Variants in CSMD1 observed in about 807,000 individuals in gnomAD.
CSMD1 encodes CUB and sushi domain-containing protein 1.
In CSMD1, 213 loss-of-function variants were observed where a neutral mutation model predicts 417.5. That is an observed-to-expected ratio of 0.51 (90% CI 0.46 to 0.57). The LOEUF (loss-of-function observed/expected upper bound fraction) is 0.57. Among genes scored for constraint, CSMD1 ranks in the 20% least tolerant of loss-of-function variants. The pLI, the probability that CSMD1 is intolerant of heterozygous loss-of-function variation, is 0.00. For missense variants in CSMD1, 6,923 were observed against 4,529.7 expected (o/e 1.53, Z -15.17); for synonymous variants, 2,862 against 1,736.8 (o/e 1.65, Z -16.11).
chr8:4,427,902 G>A (rs66512318), intron 2 of CSMD1, among the ~76,000 whole-genome samples: 1 of 152,152 alleles, frequency 6.6e-6, no homozygotes, highest in East Asian at 1.9e-4. Flanking sequence ...TGTCTCTAGG[G>A]CACAGACTGC....
intron 10 of CSMD1, among the ~76,000 whole-genome samples, chr8:3,544,767 C>G (rs10503207): frequency 6.6e-6 from 1 of 151,630 alleles, no homozygotes; most frequent in African/African-American, 2.4e-5. Flanking sequence ...GGAGCCAAAT[C>G]TTAGAAATGT....
intron 5 of CSMD1, among the ~76,000 whole-genome samples, chr8:3,889,691 C>G (rs1433549747): frequency 1.3e-5 from 2 of 151,400 alleles, no homozygotes; most frequent in Non-Finnish European, 2.9e-5. Flanking sequence ...TGAAACTCAA[C>G]CTGGACTTCC....
intron 50 of CSMD1, among the ~76,000 whole-genome samples, chr8:3,034,113 G>T (rs1284905669): frequency 6.6e-6 from 1 of 152,178 alleles, no homozygotes; most frequent in Admixed American, 6.5e-5. Flanking sequence ...GGATTTGAAG[G>T]CTGCCTGATT....
intron 2 of CSMD1, among the ~76,000 whole-genome samples, chr8:4,460,999 C>A (rs936604554): frequency 6.6e-6 from 1 of 152,032 alleles, no homozygotes; most frequent in African/African-American, 2.4e-5. Flanking sequence ...AGAATATGAA[C>A]ACAAAAATGC....
At chr8:3,434,476 AAT>A (rs1456077433) in intron 12 of CSMD1, among the ~76,000 whole-genome samples, 4 of 152,230 alleles carry the variant, frequency 2.6e-5, no homozygotes, top group Non-Finnish European at 5.9e-5. Context: ...CCTGACAGTT[AAT>A]ATGTGTTTTC....
chr8:3,308,601 G>A (rs867982295), intron 23 of CSMD1, 98 bp from the exon 24 acceptor site: 1 of 903,494 alleles, frequency 1.1e-6, no homozygotes, highest in Non-Finnish European at 1.7e-6. Flanking sequence ...GCTCCTTGAA[G>A]GGTAGGGAGA....
At chr8:3,678,307 G>T (rs1438487904) in intron 7 of CSMD1, among the ~76,000 whole-genome samples, 2 of 152,120 alleles carry the variant, frequency 1.3e-5, no homozygotes, top group Non-Finnish European at 2.9e-5. Flanking sequence ...TAGACGAATG[G>T]CTAACTAGAA....
At chr8:4,348,821 G>A (rs913012512) in intron 3 of CSMD1, among the ~76,000 whole-genome samples, 2 of 152,264 alleles carry the variant, frequency 1.3e-5, no homozygotes, top group South Asian at 2.1e-4. Context: ...CCAAGACCCA[G>A]TTAAATCAAT....
chr8:3,399,305 TC>T (rs1811891670), intron 16 of CSMD1, 85 bp downstream of exon 16: 3 of 1,315,866 alleles, frequency 2.3e-6, no homozygotes, highest in Middle Eastern at 2.6e-4. Flanking sequence ...AAAACTGCCA[TC>T]TTTTTAAAGT....
chr8:4,326,917 A>G (rs569031543), intron 3 of CSMD1, among the ~76,000 whole-genome samples: 2 of 152,324 alleles, frequency 1.3e-5, no homozygotes, highest in African/African-American at 2.4e-5. Flanking sequence ...AAAGTAAGTT[A>G]GGAGCCATAA....
At chr8:3,983,764 C>G (rs1814089552) in intron 5 of CSMD1, among the ~76,000 whole-genome samples, 1 of 152,158 alleles carries the variant, frequency 6.6e-6, no homozygotes. Context: ...ATGGGGCTGT[C>G]AACTGCACCT....
intron 10 of CSMD1, among the ~76,000 whole-genome samples, chr8:3,514,099 T>C (rs1797189510): frequency 6.6e-6 from 1 of 152,090 alleles, no homozygotes; most frequent in African/African-American, 2.4e-5. Flanking sequence ...TCAATCCTCT[T>C]CTCTTGGCAG....
At chr8:4,359,732 T>G (rs932636533) in intron 3 of CSMD1, among the ~76,000 whole-genome samples, 4 of 152,214 alleles carry the variant, frequency 2.6e-5, no homozygotes, top group African/African-American at 9.7e-5. Flanking sequence ...CACTGTGGCC[T>G]GGCCCACTTC....
In CSMD1 at chr8:3,163,687, C is replaced by A. The variant is rs147099132; in HGVS notation, c.5726-1410G>T. On this transcript the variant is annotated intron_variant, in intron 37 of 69. Coordinates refer to ENST00000635120, the MANE Select transcript of CSMD1 (RefSeq NM_033225.6). ...CTTCAAAACCAGCGGCCACCAAGCA[C>A]GAGACCCAGTGTGACTCACGCAGTG... Among the ~76,000 whole-genome samples the A allele has an allele frequency of 7.2e-5, 11 of 152,168 alleles. No individual in the cohort carries two copies. The South Asian group carries it at 2.1e-3, about 29-fold the overall frequency.
intron 3 of CSMD1, among the ~76,000 whole-genome samples, chr8:4,238,329 G>T (rs968345595): frequency 6.6e-6 from 1 of 152,154 alleles, no homozygotes; most frequent in Non-Finnish European, 1.5e-5. Context: ...CAGCATGTGC[G>T]CGAGGGTGGT....
intron 26 of CSMD1, among the ~76,000 whole-genome samples, chr8:3,233,563 T>A (rs1798971849): frequency 6.6e-6 from 1 of 152,266 alleles, no homozygotes. Context: ...TTTTTGCAAG[T>A]TATGTTTAGT....
At chr8:4,666,977 CTTTAG>C (rs936835152) in intron 1 of CSMD1, among the ~76,000 whole-genome samples, 15 of 151,668 alleles carry the variant, frequency 9.9e-5, no homozygotes, top group Non-Finnish European at 2.9e-5. Flanking sequence ...ATTTTTATTC[CTTTAG>C]TTTATATATG....
chr8:4,314,286 G>C (rs897029578), intron 3 of CSMD1, among the ~76,000 whole-genome samples: 10 of 152,138 alleles, frequency 6.6e-5, no homozygotes, highest in African/African-American at 2.4e-4. Context: ...AATCGACAAA[G>C]TACATAGGAT....
At chr8:4,582,493 G>A (rs1479339405) in intron 2 of CSMD1, among the ~76,000 whole-genome samples, 2 of 152,162 alleles carry the variant, frequency 1.3e-5, no homozygotes, top group Non-Finnish European at 2.9e-5. Context: ...CAGGCACCAG[G>A]CAGGAAATGG....
Sources: allele counts gnomAD v4.1 joint callset (sites outside exome capture counted in the v4.1 genomes callset), GRCh38; gene constraint gnomAD v4.1.1; transcripts MANE v1.5; gene names NCBI Gene and HGNC (gene_info 2026-07-23, HGNC 2026-07-21).